Variants in ARID4A observed in about 807,000 individuals in gnomAD.
ARID4A encodes the protein AT-rich interactive domain-containing protein 4A.
Under a neutral mutation model 148.6 loss-of-function variants are expected in ARID4A, and 39 were observed. That is an observed-to-expected ratio of 0.26 (90% CI 0.20 to 0.34). The LOEUF is 0.34. Among genes scored for constraint, ARID4A ranks in the 10% least tolerant of loss-of-function variants. The pLI, the probability that ARID4A is intolerant of heterozygous loss-of-function variation, is 1.00. For synonymous variants in ARID4A, 475 were observed against 481.2 expected (o/e 0.99, Z 0.17); for missense variants, 1,265 against 1,449.1 (o/e 0.87, Z 2.06).
At chr14:58,340,504 C>G (rs528783659) in intron 11 of ARID4A, among the ~76,000 whole-genome samples, 1 of 152,280 alleles carries the variant, frequency 6.6e-6, no homozygotes, top group South Asian at 2.1e-4. Flanking sequence ...CGCACAACGC[C>G]ACGCCCAGCT....
intron 8 of ARID4A, 98 bp from the exon 9 acceptor site, chr14:58,328,139 A>T (rs1194659237): frequency 3.8e-5 from 31 of 810,048 alleles, no homozygotes; most frequent in Non-Finnish European, 6.1e-6. Context: ...AATATAATCT[A>T]TTTGAGAAGT....
chr14:58,338,983 T>G (rs1214497808), intron 11 of ARID4A, among the ~76,000 whole-genome samples: 6 of 138,532 alleles, frequency 4.3e-5, no homozygotes, highest in Non-Finnish European at 6.1e-5. Context: ...TTTTTTTTTT[T>G]GGAGACACAG....
chr14:58,339,685 T>C (rs1279080753), intron 11 of ARID4A, among the ~76,000 whole-genome samples: 1 of 152,180 alleles, frequency 6.6e-6, no homozygotes, highest in East Asian at 1.9e-4. Context: ...GTTCTCACGT[T>C]GTCATAAAGA....
chr14:58,353,472 A>G (rs994975836), intron 16 of ARID4A, 186 bp from the exon 17 acceptor site: 28 of 561,822 alleles, frequency 5.0e-5, no homozygotes, highest in Non-Finnish European at 8.1e-5. Flanking sequence ...GTGCACCTTT[A>G]CATAATAAAT....
At chr14:58,325,291 T>C (rs2033149305) in intron 8 of ARID4A, among the ~76,000 whole-genome samples, 1 of 152,170 alleles carries the variant, frequency 6.6e-6, no homozygotes, top group South Asian at 2.1e-4. Flanking sequence ...TTGTTTTGTT[T>C]TGTTTTGTTT....
chr14:58,328,152 G>A, intron 8 of ARID4A, 85 bp from the exon 9 acceptor site: 1 of 919,210 alleles, frequency 1.1e-6, no homozygotes, highest in Non-Finnish European at 1.7e-6. Flanking sequence ...TGAGAAGTTA[G>A]GGGATCCAGA....
At chr14:58,368,135 G>A (rs74055640) in intron 23 of ARID4A, among the ~76,000 whole-genome samples, 2,314 of 152,202 alleles carry the variant, frequency 0.015, 56 homozygotes, top group African/African-American at 0.053. Context: ...TAGACTTGGG[G>A]GCACCAGCCA....
chr14:58,335,282 C>T (rs746824310), intron 11 of ARID4A, among the ~76,000 whole-genome samples: 1 of 150,350 alleles, frequency 6.7e-6, no homozygotes, highest in South Asian at 2.1e-4. Context: ...TAGCTCAAGA[C>T]ATTTATATCA....
chr14:58,317,292 T>A (rs2032497565), intron 5 of ARID4A, among the ~76,000 whole-genome samples: 1 of 148,102 alleles, frequency 6.8e-6, no homozygotes, highest in Non-Finnish European at 1.5e-5. Context: ...TCTTTTTTAT[T>A]TTTTTTTTTT....
chr14:58,346,377 A>T, intron 12 of ARID4A, 34 bp from the exon 13 acceptor site: 2 of 1,448,648 alleles, frequency 1.4e-6, no homozygotes, highest in South Asian at 1.2e-5. Context: ...TCATTTGAAT[A>T]AACATTTTAT....
intron 8 of ARID4A, among the ~76,000 whole-genome samples, chr14:58,324,169 C>T (rs1169973139): frequency 6.6e-6 from 1 of 152,166 alleles, no homozygotes; most frequent in Non-Finnish European, 1.5e-5. Flanking sequence ...CTCCAAAGTT[C>T]TGAGATTATA....
At chr14:58,330,245 C>T in intron 11 of ARID4A, 76 bp downstream of exon 11, 1 of 1,519,634 alleles carries the variant, frequency 6.6e-7, no homozygotes, top group East Asian at 2.4e-5. Flanking sequence ...TATATTTTTC[C>T]CTCTGTTTAG....
rs145722246 is a variant in ARID4A at position 58,358,475 on chromosome 14, A to G, written c.1854-657A>G. 4.0e-3 allele frequency among the ~76,000 whole-genome samples: 608 copies of G among 152,306 alleles called. 5 individuals carry two copies. The highest frequency in any genetic ancestry group is 4.8e-3 in the Non-Finnish European group (328 of 68,020). On this transcript the variant is annotated intron_variant, in intron 17 of 23. Transcript: ENST00000355431. ...ACATTGAAACTAGCCCCCCAAAAAT[A>G]AAAATAAAATTTAAAATAAATTTTA...
Position 58,306,044 on chromosome 14 carries a change from G to A in ARID4A, c.206G>A (p.Arg69Lys), listed in dbSNP as rs2031573810. The A allele has an allele frequency of 1.2e-6, 2 of 1,613,606 alleles. No individual in the cohort carries two copies. The highest frequency in any genetic ancestry group is 1.7e-6 in the Non-Finnish European group (2 of 1,179,708). The change falls in exon 5 of 24, where the codon AGG becomes AAG. Residue 69 changes from arginine to lysine, a missense_variant. By Grantham distance (26) the Arg-to-Lys change is conservative (BLOSUM62 2). Transcript: ENST00000355431. ...TAGGTTGGAGCTATTGTTGAAACAA[G>A]GACATCTGATGGATCTTTTCAGGAA... is the stretch of plus-strand genomic sequence containing the variant. ...PLRVGAIVET[R>K]TSDGSFQEAI...
At chr14:58,320,423 A>G (rs9806050) in intron 7 of ARID4A, among the ~76,000 whole-genome samples, 26,694 of 151,990 alleles carry the variant, frequency 0.18, 2,792 homozygotes, top group African/African-American at 0.28. Context: ...CTATCATAAT[A>G]TATGGTTAAT....
At chr14:58,337,246 T>TTATATATATATATATATATATATA (rs57605969) in intron 11 of ARID4A, among the ~76,000 whole-genome samples, 1,492 of 83,340 alleles carry the variant, frequency 0.018, 115 homozygotes, top group Non-Finnish European at 0.021. Context: ...TTCTCTTTAT[T>TTATATATATATATATATATATATA]TATATATATA....
chr14:58,313,488 C>T (rs1035358296), intron 5 of ARID4A, among the ~76,000 whole-genome samples: 1 of 152,116 alleles, frequency 6.6e-6, no homozygotes, highest in Non-Finnish European at 1.5e-5. Flanking sequence ...CTTGCTTGCC[C>T]ACCGCTAACC....
intron 17 of ARID4A, among the ~76,000 whole-genome samples, chr14:58,356,699 A>ATTTTTT (rs1174156900): frequency 7.8e-6 from 1 of 128,066 alleles, no homozygotes. Flanking sequence ...TTGAATTTTG[A>ATTTTTT]TTTTTTTTTT....
Position 58,346,511 on chromosome 14 carries a change from T to C in ARID4A, c.1074+6T>C. ...ATCAGGGTGGATGTGACAATGTAAG[T>C]ATAACATTGCTTTTTGAAACATGTA... On this transcript the variant is annotated splice_donor_region_variant and intron_variant, in intron 13 of 23. Coordinates refer to ENST00000355431, the MANE Select transcript of ARID4A (RefSeq NM_002892.4). The C allele has an allele frequency of 6.3e-7, 1 of 1,579,430 alleles. No homozygotes were observed. The highest frequency in any genetic ancestry group is 8.7e-7 in the Non-Finnish European group (1 of 1,151,806).
Sources: allele counts gnomAD v4.1 joint callset (sites outside exome capture counted in the v4.1 genomes callset), GRCh38; gene constraint gnomAD v4.1.1; transcripts MANE v1.5; gene names NCBI Gene and HGNC (gene_info 2026-07-23, HGNC 2026-07-21).